MDGA2: variants seen among roughly 807,000 people sequenced by gnomAD.
MDGA2 encodes the protein MAM domain-containing glycosylphosphatidylinositol anchor protein 2.
In MDGA2, 40 loss-of-function variants were observed where a neutral mutation model predicts 117.8. The observed-to-expected ratio is 0.34, with a 90% CI of 0.26 to 0.44. MDGA2 has a LOEUF of 0.44. MDGA2 is among the 20% of genes least tolerant of loss of function. The probability of loss-of-function intolerance (pLI) is 1.00; values close to 1 mark genes in which losing one functional copy is unlikely to be tolerated. For synonymous variants in MDGA2, 452 were observed against 439.0 expected (o/e 1.03, Z -0.37); for missense variants, 1,123 against 1,250.6 (o/e 0.90, Z 1.54).
At chr14:47,590,059 T>C (rs937899193) in intron 1 of MDGA2, among the ~76,000 whole-genome samples, 6 of 151,784 alleles carry the variant, frequency 4.0e-5, no homozygotes, top group African/African-American at 1.2e-4. Flanking sequence ...TCTAATTTTG[T>C]GTGTGTGTAT....
intron 5 of MDGA2, among the ~76,000 whole-genome samples, chr14:47,118,926 T>G (rs117423543): frequency 0.028 from 4,314 of 152,138 alleles, 90 homozygotes; most frequent in Non-Finnish European, 0.046. Context: ...TTCATAGAAA[T>G]GAGGTCTCAC....
chr14:47,178,152 G>T (rs1265547153), intron 3 of MDGA2, among the ~76,000 whole-genome samples: 3 of 152,006 alleles, frequency 2.0e-5, no homozygotes, highest in Non-Finnish European at 2.9e-5. Context: ...AAAAGTTAAA[G>T]GCATTAAGTA....
intron 8 of MDGA2, among the ~76,000 whole-genome samples, chr14:46,958,675 T>A (rs948637213): frequency 2.6e-5 from 4 of 152,234 alleles, no homozygotes; most frequent in African/African-American, 7.2e-5. Flanking sequence ...TAGATTGGTG[T>A]GTGTTGAATG....
At chr14:46,970,850 A>T (rs2416010) in intron 8 of MDGA2, among the ~76,000 whole-genome samples, 87,045 of 151,920 alleles carry the variant, frequency 0.57, 25,742 homozygotes, top group Non-Finnish European at 0.63. Context: ...ATAATTTTTT[A>T]AAAATCTCAT....
chr14:47,200,508 T>G, intron 3 of MDGA2: 1 of 598,490 alleles, frequency 1.7e-6, no homozygotes. Context: ...TTTTTCTATT[T>G]TTCTTTTCTT....
chr14:47,609,464 T>A (rs1299810040), intron 1 of MDGA2, among the ~76,000 whole-genome samples: 2 of 119,148 alleles, frequency 1.7e-5, no homozygotes, highest in Non-Finnish European at 3.6e-5. Context: ...TATATATATA[T>A]AAGTTTCTTT....
intron 7 of MDGA2, 149 bp from the exon 8 acceptor site, chr14:47,035,453 C>T: frequency 1.6e-6 from 1 of 631,628 alleles, no homozygotes; most frequent in Non-Finnish European, 2.7e-6. Context: ...ATGGAATATA[C>T]TCTCACTGAA....
At chr14:47,525,538 A>T (rs902464269) in intron 1 of MDGA2, among the ~76,000 whole-genome samples, 18 of 152,030 alleles carry the variant, frequency 1.2e-4, no homozygotes, top group African/African-American at 4.3e-4. Context: ...TACAAAAATT[A>T]TCCGGGCGTG....
intron 1 of MDGA2, among the ~76,000 whole-genome samples, chr14:47,531,535 T>A (rs1895100822): frequency 6.6e-6 from 1 of 152,218 alleles, no homozygotes; most frequent in Non-Finnish European, 1.5e-5. Flanking sequence ...TGAACTTCAA[T>A]CCCTTGCTTG....
intron 10 of MDGA2, among the ~76,000 whole-genome samples, chr14:46,908,024 A>G (rs1883563959): frequency 6.6e-6 from 1 of 152,172 alleles, no homozygotes; most frequent in Non-Finnish European, 1.5e-5. Flanking sequence ...TTACATTGAT[A>G]TAAGTCCCCA....
chr14:46,927,522 A>G (rs1327573890), intron 9 of MDGA2, among the ~76,000 whole-genome samples: 1 of 152,196 alleles, frequency 6.6e-6, no homozygotes, highest in Non-Finnish European at 1.5e-5. Flanking sequence ...TTTGTTCAAC[A>G]GTGATAACTT....
intron 5 of MDGA2, among the ~76,000 whole-genome samples, chr14:47,099,693 C>T (rs1048325015): frequency 2.6e-5 from 4 of 151,922 alleles, no homozygotes; most frequent in African/African-American, 9.7e-5. Context: ...TACCTGGGTT[C>T]AAGTCTTGAC....
chr14:47,613,867 A>G (rs953653891), intron 1 of MDGA2, among the ~76,000 whole-genome samples: 3 of 152,108 alleles, frequency 2.0e-5, no homozygotes, highest in Non-Finnish European at 4.4e-5. Context: ...TTCTTTCATC[A>G]GTTATGAACA....
chr14:47,104,567 C>T (rs887937732), intron 5 of MDGA2, among the ~76,000 whole-genome samples: 2 of 150,356 alleles, frequency 1.3e-5, no homozygotes, highest in Admixed American at 6.6e-5. Flanking sequence ...ACCCTTATCT[C>T]CCTTCGCTGA....
intron 9 of MDGA2, among the ~76,000 whole-genome samples, chr14:46,954,528 T>C (rs1251465689): frequency 6.6e-6 from 1 of 151,976 alleles, no homozygotes; most frequent in Non-Finnish European, 1.5e-5. Flanking sequence ...GAGAATATAT[T>C]CCTTGGCTCT....
At chr14:47,179,697 T>A (rs1884621747) in intron 3 of MDGA2, among the ~76,000 whole-genome samples, 1 of 152,050 alleles carries the variant, frequency 6.6e-6, no homozygotes, top group Non-Finnish European at 1.5e-5. Flanking sequence ...TTCACAGAGG[T>A]AGGTGAAGAA....
chr14:47,549,206 C>CA (rs1297526714), intron 1 of MDGA2, among the ~76,000 whole-genome samples: 2 of 151,846 alleles, frequency 1.3e-5, no homozygotes, highest in African/African-American at 4.8e-5. Flanking sequence ...ATAGAGAAAG[C>CA]AAAAAAATGC....
intron 3 of MDGA2, among the ~76,000 whole-genome samples, chr14:47,204,609 C>A (rs1370085364): frequency 6.6e-6 from 1 of 151,808 alleles, no homozygotes; most frequent in Non-Finnish European, 1.5e-5. Flanking sequence ...CTTCTTCATT[C>A]CTAGTATTAT....
chr14:47,274,787 G>T (rs2139714773), intron 2 of MDGA2, among the ~76,000 whole-genome samples: 1 of 152,156 alleles, frequency 6.6e-6, no homozygotes, highest in Non-Finnish European at 1.5e-5. Context: ...TCTCCTTGTA[G>T]GTTTAATTTG....
Sources: allele counts gnomAD v4.1 joint callset (sites outside exome capture counted in the v4.1 genomes callset), GRCh38; gene constraint gnomAD v4.1.1; transcripts MANE v1.5; gene names NCBI Gene and HGNC (gene_info 2026-07-23, HGNC 2026-07-21).